The following MALRD1 variants were observed in gnomAD, a reference collection of about 807,000 sequenced individuals.
The protein encoded by MALRD1 is MAM and LDL receptor class A domain containing 1, also known as MAM and LDL-receptor class A domain-containing protein 1.
A neutral mutation model predicts 242.1 loss-of-function variants in MALRD1; 247 were observed. The observed-to-expected ratio is 1.02, with a 90% CI of 0.92 to 1.13. MALRD1 has a LOEUF of 1.13. Ranked by LOEUF, MALRD1 falls within the 50% of genes most tolerant of loss-of-function variation. The pLI, the probability that MALRD1 is intolerant of heterozygous loss-of-function variation, is 0.00. For synonymous variants in MALRD1, 995 were observed against 866.6 expected (o/e 1.15, Z -2.60); for missense variants, 2,989 against 2,533.1 (o/e 1.18, Z -3.86).
intron 26 of MALRD1, among the ~76,000 whole-genome samples, chr10:19,355,947 A>G (rs946604060): frequency 3.6e-4 from 53 of 147,924 alleles, no homozygotes; most frequent in East Asian, 3.9e-4. Flanking sequence ...TATATATGCT[A>G]GGGTTAGGGT....
intron 33 of MALRD1, among the ~76,000 whole-genome samples, chr10:19,578,719 G>A (rs1278156185): frequency 8.6e-5 from 13 of 150,698 alleles, no homozygotes; most frequent in African/African-American, 3.2e-4. Context: ...TTTTTTCACA[G>A]TACACATGAC....
intron 32 of MALRD1, among the ~76,000 whole-genome samples, chr10:19,565,698 G>A (rs1394309626): frequency 6.6e-6 from 1 of 152,190 alleles, no homozygotes; most frequent in Non-Finnish European, 1.5e-5. Context: ...TTACGTGTCA[G>A]ACTGGAAGTA....
intron 1 of MALRD1, among the ~76,000 whole-genome samples, chr10:19,059,563 A>G (rs1834762101): frequency 6.6e-6 from 1 of 151,042 alleles, no homozygotes; most frequent in Non-Finnish European, 1.5e-5. Context: ...ATTTTTTTGT[A>G]TTTTTCTTAG....
intron 14 of MALRD1, among the ~76,000 whole-genome samples, chr10:19,194,720 C>T (rs1018678131): frequency 1.3e-5 from 2 of 152,140 alleles, no homozygotes; most frequent in African/African-American, 4.8e-5. Flanking sequence ...CACCTCATTT[C>T]TCAGTTTTCC....
At chr10:19,060,854 A>G (rs938091765) in intron 1 of MALRD1, among the ~76,000 whole-genome samples, 1 of 152,224 alleles carries the variant, frequency 6.6e-6, no homozygotes, top group Admixed American at 6.6e-5. Context: ...CAGCAGCACT[A>G]TTCACAACAG....
intron 36 of MALRD1, among the ~76,000 whole-genome samples, chr10:19,636,387 A>G (rs1478132559): frequency 2.0e-5 from 3 of 152,230 alleles, no homozygotes; most frequent in African/African-American, 7.2e-5. Flanking sequence ...CAAAGAGAAC[A>G]TGAAGATAAA....
chr10:19,116,909 A>G (rs906438519), intron 5 of MALRD1, among the ~76,000 whole-genome samples: 7 of 152,086 alleles, frequency 4.6e-5, no homozygotes, highest in Non-Finnish European at 1.0e-4. Context: ...AACCTGGCCA[A>G]CATGACGAAA....
chr10:19,538,057 A>G (rs539334869), intron 32 of MALRD1, among the ~76,000 whole-genome samples: 3 of 152,328 alleles, frequency 2.0e-5, no homozygotes, highest in South Asian at 2.1e-4. Flanking sequence ...TCTAAATTTT[A>G]TTAGCATATT....
intron 31 of MALRD1, among the ~76,000 whole-genome samples, chr10:19,524,827 T>C (rs1274294305): frequency 6.6e-6 from 1 of 152,166 alleles, no homozygotes; most frequent in Non-Finnish European, 1.5e-5. Flanking sequence ...CTTAGTGCAG[T>C]AAGTATGATT....
intron 5 of MALRD1, among the ~76,000 whole-genome samples, chr10:19,121,733 G>C (rs1340578760): frequency 6.7e-6 from 1 of 150,160 alleles, no homozygotes; most frequent in Non-Finnish European, 1.5e-5. Flanking sequence ...CGCTCCTACA[G>C]GGGGCAAAGC....
intron 29 of MALRD1, among the ~76,000 whole-genome samples, chr10:19,455,285 C>T (rs757101957): frequency 6.6e-6 from 1 of 152,042 alleles, no homozygotes; most frequent in Non-Finnish European, 1.5e-5. Flanking sequence ...TTCTAAAGTT[C>T]GAAATTTAAA....
At chr10:19,420,050 T>C (rs1351223029) in intron 28 of MALRD1, among the ~76,000 whole-genome samples, 1 of 152,176 alleles carries the variant, frequency 6.6e-6, no homozygotes, top group African/African-American at 2.4e-5. Flanking sequence ...AAGATACTTC[T>C]ATAGAAGGTT....
At chr10:19,248,311 G>T (rs948728490) in intron 18 of MALRD1, among the ~76,000 whole-genome samples, 3 of 151,382 alleles carry the variant, frequency 2.0e-5, no homozygotes, top group Non-Finnish European at 4.4e-5. Flanking sequence ...TGTTTATTTT[G>T]GGAAAACATT....
At chr10:19,580,289 T>C (rs939249470) in intron 33 of MALRD1, among the ~76,000 whole-genome samples, 38 of 152,344 alleles carry the variant, frequency 2.5e-4, no homozygotes, top group African/African-American at 8.7e-4. Context: ...GAATTCTTTA[T>C]AATCCTGGCA....
In MALRD1 at chr10:19,155,186, C is replaced by G; in HGVS notation, c.1656+14C>G. The G allele has an allele frequency of 8.2e-7, 1 of 1,222,968 alleles. No individual in the cohort carries two copies. The highest frequency in any genetic ancestry group is 1.0e-6 in the Non-Finnish European group (1 of 980,044). 75.8% of individuals were successfully genotyped at this position (1,222,968 alleles called of 1,614,324 possible). ...ACCCCATGTCAGGTAATCAACTGTTCTGAATTTCCACTGGCCATTCTGCGG... is the reference window on the plus strand; with the variant it reads ...ACCCCATGTCAGGTAATCAACTGTTGTGAATTTCCACTGGCCATTCTGCGG... On this transcript the variant is annotated intron_variant, in intron 12 of 39. Coordinates refer to ENST00000454679, the MANE Select transcript of MALRD1 (RefSeq NM_001142308.3).
At position 19,136,797 on chromosome 10, in the gene MALRD1, G is replaced by A; in HGVS notation, c.1411+16G>A. The A allele has an allele frequency of 8.2e-7, 1 of 1,224,104 alleles. No homozygotes were observed. 75.8% of individuals were successfully genotyped at this position (1,224,104 alleles called of 1,614,324 possible). A position where few individuals can be genotyped will look rare whatever the true frequency, so the allele number is the denominator to read the frequency against. On this transcript the variant is annotated intron_variant, in intron 10 of 39. Transcript: ENST00000454679. ...GCAACTTGCTGTAAGTGAGTGAATG[G>A]CTTACTAGTTTACATGCTCTAATTC...
intron 36 of MALRD1, among the ~76,000 whole-genome samples, chr10:19,628,374 A>C (rs1040394901): frequency 6.6e-6 from 1 of 152,200 alleles, no homozygotes; most frequent in Admixed American, 6.5e-5. Context: ...AGCATTTTGC[A>C]ATAGCACCAT....
intron 36 of MALRD1, among the ~76,000 whole-genome samples, chr10:19,626,675 G>C (rs185292626): frequency 7.5e-4 from 114 of 151,002 alleles, no homozygotes; most frequent in African/African-American, 2.7e-3. Flanking sequence ...CCCACATAAA[G>C]AGTGCTGAAA....
chr10:19,530,471 T>G (rs1834359655), intron 31 of MALRD1, among the ~76,000 whole-genome samples: 1 of 134,980 alleles, frequency 7.4e-6, no homozygotes, highest in Non-Finnish European at 1.6e-5. Context: ...TAATAAATAA[T>G]TATATAATAT....
Sources: gnomAD v4.1 joint callset for allele counts (sites outside exome capture counted in the v4.1 genomes callset) on GRCh38, gnomAD v4.1.1 for gene constraint, MANE v1.5 for transcripts, NCBI Gene and HGNC (gene_info 2026-07-23, HGNC 2026-07-21) for gene names.